PTK6: variants seen among roughly 807,000 people sequenced by gnomAD.
PTK6 encodes protein tyrosine kinase 6.
PTK6 carries 47 observed loss-of-function variants against 47.5 expected under a neutral mutation model. The ratio of observed to expected loss-of-function variants is 0.99; its 90% CI spans 0.78 to 1.26. PTK6 has a LOEUF of 1.26. PTK6 is among the 50% of genes most tolerant of loss of function. The probability of loss-of-function intolerance (pLI) is 0.00; values close to 1 mark genes in which losing one functional copy is unlikely to be tolerated. For synonymous variants in PTK6, 287 were observed against 276.5 expected (o/e 1.04, Z -0.38); for missense variants, 618 against 625.3 (o/e 0.99, Z 0.12).
In PTK6 at chr20:63,533,693, C is replaced by T. The variant is rs1275059185; in HGVS notation, c.528G>A (p.Glu176=). 1 of 1,612,440 alleles carries T rather than the reference C, an allele frequency of 6.2e-7. No individual in the cohort carries two copies. The highest frequency in any genetic ancestry group is 8.5e-7 in the Non-Finnish European group (1 of 1,179,452). The part of the protein sequence containing the change: ...LAAPCRKHEP[E]PLPHWDDWER... ...CCCAGTCATCCCAATGGGGCAGGGG[C>T]TCAGGCTCGTGCTGGAGGAAGAGTC... The change falls in exon 4 of 8, where the codon GAG becomes GAA. Residue 176 remains glutamate (E), a synonymous_variant. Coordinates refer to ENST00000542869, the MANE Select transcript of PTK6 (RefSeq NM_005975.4). The surrounding 1 kb of genome is among the most constrained non-coding windows in gnomAD (Gnocchi z 4.0).
chr20:63,534,662 T>C (rs762238756), intron 2 of PTK6, among the ~76,000 whole-genome samples: 7 of 152,060 alleles, frequency 4.6e-5, no homozygotes, highest in African/African-American at 1.2e-4. Context: ...GAGGTTCCCA[T>C]GGGTGCTGAG....
In PTK6 at chr20:63,537,309, C is replaced by A; in HGVS notation, c.6G>T (p.Val2=). M[V]SRDQAHLGPK... is the part of the protein sequence containing the mutation. ...GGCCCAGGTGAGCCTGGTCCCGGGA[C>A]ACCATGGCGGGCGGGCGCAGCGGCA... The change falls in exon 1 of 8, where the codon GTG becomes GTT. Residue 2 remains valine, a synonymous_variant. Coordinates refer to ENST00000542869, the MANE Select transcript of PTK6 (RefSeq NM_005975.4). 2.5e-6 allele frequency: 4 copies of A among 1,609,172 alleles called. No individual in the cohort carries two copies. The South Asian group carries it at 4.4e-5, about 18-fold the overall frequency.
intron 3 of PTK6, 108 bp downstream of exon 3, chr20:63,534,044 G>A (rs1301996287): frequency 5.1e-6 from 7 of 1,361,206 alleles, no homozygotes; most frequent in Non-Finnish European, 5.8e-6. Context: ...CCAGGTCAGT[G>A]AGTCAGGACC....
intron 5 of PTK6, among the ~76,000 whole-genome samples, chr20:63,532,208 CTG>C (rs1280692454): frequency 9.8e-5 from 14 of 143,510 alleles, no homozygotes; most frequent in South Asian, 2.3e-4. Context: ...GTGTGTGTGT[CTG>C]TGTGTGTCCG....
chr20:63,529,476 C>T lies in PTK6; in HGVS notation c.*60G>A. ...AAGCGCGTGGGCCTTGATCCCAGGT[C>T]CAGGCCCTCTGCCCAGGCCCCTCCT... On this transcript the variant is annotated 3_prime_UTR_variant, in exon 8 of 8. Transcript: ENST00000542869. This position sits in a 1 kb window ranked among gnomAD's most constrained non-coding sequence, Gnocchi z 5.6. 1.4e-6 allele frequency: 2 copies of T among 1,466,606 alleles called. No individual in the cohort carries two copies. Among genetic ancestry groups the T allele is most frequent in the Non-Finnish European group, 1.8e-6 (2 of 1,107,292 alleles). The allele number at this position is 1,466,606 out of a possible 1,614,324, so 90.8% of individuals were successfully genotyped here.
chr20:63,532,621 T>C lies in PTK6; in HGVS notation c.737A>G (p.His246Arg). The change falls in exon 5 of 8, where the codon CAC becomes CGC. Residue 246 changes from histidine (H) to arginine (R), a missense_variant. By Grantham distance (29) the His-to-Arg change is conservative (BLOSUM62 0). Coordinates refer to ENST00000542869, the MANE Select transcript of PTK6 (RefSeq NM_005975.4). ...IQAMKKLRHKHILALYAVVSV... is the reference protein window; with the variant it reads ...IQAMKKLRHKRILALYAVVSV... Reference sequence around the variant, plus strand: ...CACCACGGCGTACAGCGCCAGGATGTGTTTGTGCCGCAGCTTCTTCATGGC... The same window carrying C: ...CACCACGGCGTACAGCGCCAGGATGCGTTTGTGCCGCAGCTTCTTCATGGC... The C allele has an allele frequency of 6.2e-7, 1 of 1,614,018 alleles. No homozygotes were observed. Among genetic ancestry groups the C allele is most frequent in the South Asian group, 1.1e-5 (1 of 91,084 alleles).
chr20:63,534,762 A>C (rs2082650947), intron 2 of PTK6, 176 bp downstream of exon 2: 1 of 1,005,250 alleles, frequency 9.9e-7, no homozygotes, highest in African/African-American at 1.6e-5. Flanking sequence ...CCTAGCAGCC[A>C]GTGACCCAGG....
At chr20:63,532,016 G>A (rs1427627882) in intron 5 of PTK6, among the ~76,000 whole-genome samples, 4 of 152,194 alleles carry the variant, frequency 2.6e-5, no homozygotes, top group Non-Finnish European at 5.9e-5. Context: ...TCCAAACTGC[G>A]CCTTCACGCA....
Position 63,537,110 on chromosome 20 carries a change from C to G in PTK6, c.205G>C (p.Glu69Gln), listed in dbSNP as rs368004687. 6.2e-7 allele frequency: 1 copy of G among 1,610,398 alleles called. No individual in the cohort carries two copies. The highest frequency in any genetic ancestry group is 8.5e-7 in the Non-Finnish European group (1 of 1,179,010). The change falls in exon 1 of 8, where the codon GAG (glutamate) becomes CAG (glutamine). Residue 69 changes from glutamate (E) to glutamine (Q), a missense_variant. Glu to Gln is a conservative substitution (Grantham distance 29). Coordinates refer to ENST00000542869, the MANE Select transcript of PTK6 (RefSeq NM_005975.4). Reference sequence around the variant, plus strand: ...GGTTCCGACTCCACCGTCTCCCTCTCGGCCAGGTAGTTGTGGGGCACATAG... The same window carrying G: ...GGTTCCGACTCCACCGTCTCCCTCTGGGCCAGGTAGTTGTGGGGCACATAG... ...QGYVPHNYLA[E>Q]RETVESEPWF...
chr20:63,537,227 G>A lies in PTK6; in HGVS notation c.88C>T (p.Arg30Cys), dbSNP rs374913291. ...KSRTDEELSFRAGDVFHVARK... is the reference protein window; with the variant it reads ...KSRTDEELSFCAGDVFHVARK... ...GCCACGTGGAAGACGTCCCCCGCGC[G>A]GAAGCTCAGCTCCTCGTCCGTCCGG... Residue 30 changes from arginine to cysteine, a missense_variant, in exon 1 of 8, where the codon CGC (arginine) becomes TGC (cysteine). Arg to Cys is a radical substitution (Grantham distance 180, BLOSUM62 -3). Transcript: ENST00000542869. 9.9e-6 allele frequency: 16 copies of A among 1,612,226 alleles called. No homozygotes were observed. The highest frequency in any genetic ancestry group is 5.5e-5 in the South Asian group (5 of 90,984).
At chr20:63,532,741 G>A in intron 4 of PTK6, 54 bp from the exon 5 acceptor site, 1 of 1,589,810 alleles carries the variant, frequency 6.3e-7, no homozygotes, top group Non-Finnish European at 8.6e-7. Context: ...CAGGCCCCAA[G>A]GAAGAGGCCA....
rs539589121 is a variant in PTK6 at position 63,532,867 on chromosome 20, G to A, written c.671-180C>T. The stretch of plus-strand genomic sequence containing the variant: ...AGGCCACGAAATGGCAGATGCAGCC[G>A]GCCCCACAGGGCCCCAGCCTGGCGT... On this transcript the variant is annotated intron_variant, in intron 4 of 7. Transcript: ENST00000542869. Among the ~76,000 whole-genome samples, 5 of 152,318 alleles carry A rather than the reference G, an allele frequency of 3.3e-5. No homozygotes were observed. In the South Asian group the frequency reaches 6.2e-4, roughly 19 times the overall value.
chr20:63,535,000 T>C lies in PTK6; in HGVS notation c.290A>G (p.Asn97Ser). 6.2e-7 allele frequency: 1 copy of C among 1,609,082 alleles called. No individual in the cohort carries two copies. Among genetic ancestry groups the C allele is most frequent in the Non-Finnish European group, 8.5e-7 (1 of 1,177,858 alleles). Residue 97 changes from asparagine (N) to serine (S), a missense_variant, in exon 2 of 8, where the codon AAC (asparagine) becomes AGC (serine). Transcript: ENST00000542869. The stretch of plus-strand genomic sequence containing the variant: ...CCTGATCAGGAAGGCGCCCGTGGCG[T>C]TGCCCTCGGCCTGCAGCCGACGCAC... The part of the protein sequence containing the change: ...EAVRRLQAEG[N>S]ATGAFLIRVS...
Position 63,529,449 on chromosome 20 carries a change from G to A in PTK6, c.*87C>T. 1 of 1,375,600 alleles carries A rather than the reference G, an allele frequency of 7.3e-7. No homozygotes were observed. Among genetic ancestry groups the A allele is most frequent in the Non-Finnish European group, 9.6e-7 (1 of 1,038,608 alleles). The allele number at this position is 1,375,600 out of a possible 1,614,324, so 85.2% of individuals were successfully genotyped here. A position where few individuals can be genotyped will look rare whatever the true frequency, so the allele number is the denominator to read the frequency against. ...CACCCATCACCTCAGTAAACCCCAG[G>A]GAAGCGCGTGGGCCTTGATCCCAGG... is the stretch of plus-strand genomic sequence containing the variant. On this transcript the variant is annotated 3_prime_UTR_variant, in exon 8 of 8. Coordinates refer to ENST00000542869, the MANE Select transcript of PTK6 (RefSeq NM_005975.4). The surrounding 1 kb of genome is among the most constrained non-coding windows in gnomAD (Gnocchi z 5.6).
Position 63,529,901 on chromosome 20 carries a change from G to A in PTK6, c.1168+177C>T. On this transcript the variant is annotated intron_variant, in intron 7 of 7. Transcript: ENST00000542869. This position sits in a 1 kb window ranked among gnomAD's most constrained non-coding sequence, Gnocchi z 5.6. ...CCTCCCTCTGGACAGGGCTCCAACA[G>A]GCAGCTCCAGGCACCAGCCTGGGTG... 5 of 1,062,692 alleles carry A rather than the reference G, an allele frequency of 4.7e-6. No individual in the cohort carries two copies. The highest frequency in any genetic ancestry group is 4.0e-6 in the Non-Finnish European group (3 of 754,738). 65.8% of individuals were successfully genotyped at this position (1,062,692 alleles called of 1,614,324 possible).
At position 63,532,639 on chromosome 20, in the gene PTK6, T is replaced by A. The variant is rs774447281; in HGVS notation, c.719A>T (p.Lys240Met). 5 of 1,614,002 alleles carry A rather than the reference T, an allele frequency of 3.1e-6. No individual in the cohort carries two copies. Among genetic ancestry groups the A allele is most frequent in the Non-Finnish European group, 4.2e-6 (5 of 1,180,016 alleles). The change falls in exon 5 of 8, where the codon AAG becomes ATG. Residue 240 changes from lysine to methionine, a missense_variant. Lys to Met is a moderately conservative substitution (Grantham distance 95, BLOSUM62 -1). Coordinates refer to ENST00000542869, the MANE Select transcript of PTK6 (RefSeq NM_005975.4). ...CAGGATGTGTTTGTGCCGCAGCTTCTTCATGGCCTGGATCTCCGACTGCAG... is the reference window on the plus strand; with the variant it reads ...CAGGATGTGTTTGTGCCGCAGCTTCATCATGGCCTGGATCTCCGACTGCAG... ...QMLQSEIQAMKKLRHKHILAL... is the reference protein window; with the variant it reads ...QMLQSEIQAMMKLRHKHILAL...
At chr20:63,535,822 A>T (rs1321468999) in intron 1 of PTK6, among the ~76,000 whole-genome samples, 31 of 12,042 alleles carry the variant, frequency 2.6e-3, no homozygotes, top group African/African-American at 0.026. Context: ...CCCCCTCCTC[A>T]CCTGGCCTCC....
Position 63,532,594 on chromosome 20 carries a change from G to A in PTK6, c.764C>T (p.Ser255Phe). ...KHILALYAVV[S>F]VGDPVYIITE... ...GATGATGTACACGGGGTCCCCCACG[G>A]ACACCACGGCGTACAGCGCCAGGAT... is the stretch of plus-strand genomic sequence containing the variant. The change falls in exon 5 of 8, where the codon TCC becomes TTC. Residue 255 changes from serine to phenylalanine, a missense_variant. By Grantham distance (155) the Ser-to-Phe change is radical. Transcript: ENST00000542869. 6.2e-7 allele frequency: 1 copy of A among 1,614,088 alleles called. No individual in the cohort carries two copies. Among genetic ancestry groups the A allele is most frequent in the Non-Finnish European group, 8.5e-7 (1 of 1,180,004 alleles).
chr20:63,531,445 T>A (rs867760318), intron 5 of PTK6, among the ~76,000 whole-genome samples: 2,889 of 98,166 alleles, frequency 0.029, 196 homozygotes, highest in African/African-American at 0.1. Flanking sequence ...AAAATATATA[T>A]ATATATATAT....
Sources: gnomAD v4.1 joint callset for allele counts (sites outside exome capture counted in the v4.1 genomes callset) on GRCh38, gnomAD v4.1.1 for gene constraint, Gnocchi (gnomAD v3.1) non-coding constraint, MANE v1.5 for transcripts, NCBI Gene and HGNC (gene_info 2026-07-23, HGNC 2026-07-21) for gene names.